Variants in SOX5 observed in about 807,000 individuals in gnomAD.
SOX5 encodes the protein transcription factor SOX-5.
SOX5 carries 9 observed loss-of-function variants against 92.0 expected under a neutral mutation model. The ratio of observed to expected loss-of-function variants is 0.10; its 90% CI spans 0.06 to 0.17. The LOEUF is 0.17. SOX5 is among the 10% of genes least tolerant of loss of function. SOX5 has a pLI of 1.00. For synonymous variants in SOX5, 344 were observed against 336.3 expected (o/e 1.02, Z -0.25); for missense variants, 642 against 944.5 (o/e 0.68, Z 4.20).
At chr12:23,871,506 A>G (rs981745075) in intron 2 of SOX5, among the ~76,000 whole-genome samples, 2 of 152,168 alleles carry the variant, frequency 1.3e-5, no homozygotes, top group Non-Finnish European at 2.9e-5. Flanking sequence ...AGGAGAAAAA[A>G]GGAAACTGGT....
At chr12:23,951,792 C>G (rs190170327), upstream of SOX5, among the ~76,000 whole-genome samples, 1 of 152,208 alleles carries the variant, frequency 6.6e-6, no homozygotes, top group Admixed American at 6.5e-5. Flanking sequence ...TGACTTGATG[C>G]TGACATGATT....
intron 2 of SOX5, among the ~76,000 whole-genome samples, chr12:24,339,539 T>G (rs1442893859): frequency 1.3e-5 from 2 of 152,196 alleles, no homozygotes; most frequent in East Asian, 3.9e-4. Context: ...TTATTCTCAG[T>G]GCACTGGGAG....
intron 3 of SOX5, among the ~76,000 whole-genome samples, chr12:23,795,356 C>T (rs1405276787): frequency 1.3e-5 from 2 of 151,936 alleles, no homozygotes; most frequent in East Asian, 1.9e-4. Flanking sequence ...GCTCTAGAGA[C>T]TCATTCTGTT....
chr12:24,224,118 T>G (rs1961268392), intron 3 of SOX5, among the ~76,000 whole-genome samples: 1 of 152,236 alleles, frequency 6.6e-6, no homozygotes, highest in Non-Finnish European at 1.5e-5. Flanking sequence ...TACCATTAAT[T>G]TGAGCCAGCA....
At chr12:24,069,162 G>GT (rs1941382944) in intron 4 of SOX5, among the ~76,000 whole-genome samples, 1 of 151,854 alleles carries the variant, frequency 6.6e-6, no homozygotes, top group Non-Finnish European at 1.5e-5. Flanking sequence ...CTGTAGAAAT[G>GT]TTTTTTAGCA....
intron 7 of SOX5, among the ~76,000 whole-genome samples, chr12:23,652,524 T>TC (rs1350032480): frequency 6.6e-6 from 1 of 151,556 alleles, no homozygotes; most frequent in Non-Finnish European, 1.5e-5. Context: ...ACTGTTTTTT[T>TC]TTTTTTTTGA....
chr12:23,614,226 C>T (rs530064524), intron 8 of SOX5, among the ~76,000 whole-genome samples: 36 of 152,274 alleles, frequency 2.4e-4, no homozygotes, highest in African/African-American at 7.2e-4. Flanking sequence ...AGGAACATCA[C>T]GTGCAAAGCC....
At chr12:24,074,754 C>T (rs186351209) in intron 4 of SOX5, among the ~76,000 whole-genome samples, 2 of 150,956 alleles carry the variant, frequency 1.3e-5, no homozygotes, top group East Asian at 2.0e-4. Flanking sequence ...AATTCACTTT[C>T]GCCATTTCTC....
chr12:24,213,559 T>A (rs1332659384), intron 3 of SOX5: 1 of 150,926 alleles, frequency 6.6e-6, no homozygotes, highest in African/African-American at 2.4e-5. Context: ...AGATTTCTAT[T>A]GCAAAATGTT....
chr12:23,565,225 C>A (rs1276248065), intron 10 of SOX5, among the ~76,000 whole-genome samples: 1 of 152,106 alleles, frequency 6.6e-6, no homozygotes, highest in Non-Finnish European at 1.5e-5. Flanking sequence ...TTTTATTATC[C>A]TCAACATCCT....
chr12:23,610,433 C>T (rs1370298266), intron 8 of SOX5, among the ~76,000 whole-genome samples: 2 of 152,096 alleles, frequency 1.3e-5, no homozygotes, highest in Admixed American at 6.6e-5. Flanking sequence ...CATTTACTGA[C>T]CAGTAAACTC....
At chr12:24,097,035 C>T (rs1227429269) in intron 4 of SOX5, among the ~76,000 whole-genome samples, 2 of 152,134 alleles carry the variant, frequency 1.3e-5, no homozygotes, top group Admixed American at 6.5e-5. Context: ...CTTACCAATG[C>T]TAGTTATTTT....
At chr12:24,059,586 G>T (rs943484436) in intron 4 of SOX5, among the ~76,000 whole-genome samples, 1 of 151,906 alleles carries the variant, frequency 6.6e-6, no homozygotes, top group Admixed American at 6.6e-5. Context: ...TTCTCAGCAG[G>T]TGTGTGTGTG....
At chr12:24,354,107 A>G (rs554649321) in intron 2 of SOX5, among the ~76,000 whole-genome samples, 4 of 152,322 alleles carry the variant, frequency 2.6e-5, no homozygotes, top group African/African-American at 9.6e-5. Flanking sequence ...GAAATTATAG[A>G]CTGTGAAAAA....
intron 1 of SOX5, among the ~76,000 whole-genome samples, chr12:24,490,354 T>C (rs891420699): frequency 5.9e-5 from 9 of 152,380 alleles, no homozygotes; most frequent in African/African-American, 2.2e-4. Context: ...AAGATGGGCA[T>C]TGAACAGTCA....
At chr12:24,464,000 T>G (rs1381409487) in intron 1 of SOX5, among the ~76,000 whole-genome samples, 1 of 152,198 alleles carries the variant, frequency 6.6e-6, no homozygotes, top group East Asian at 1.9e-4. Context: ...AATCTAAAAT[T>G]TCCTAAGTTT....
intron 1 of SOX5, among the ~76,000 whole-genome samples, chr12:23,928,734 T>A (rs949034769): frequency 4.6e-5 from 7 of 151,848 alleles, no homozygotes; most frequent in Admixed American, 2.0e-4. Flanking sequence ...TTCCTGACTT[T>A]TAATTTTTAA....
At chr12:23,855,030 T>A (rs537058108) in intron 2 of SOX5, among the ~76,000 whole-genome samples, 1 of 151,086 alleles carries the variant, frequency 6.6e-6, no homozygotes, top group South Asian at 2.1e-4. Context: ...TAAAGATGAA[T>A]AAAACATAGA....
chr12:23,814,079 T>C (rs927283121), intron 3 of SOX5, among the ~76,000 whole-genome samples: 1 of 152,220 alleles, frequency 6.6e-6, no homozygotes, highest in African/African-American at 2.4e-5. Context: ...TATTTATAGA[T>C]GTATTTTGGC....
Sources: gnomAD v4.1 joint callset for allele counts (sites outside exome capture counted in the v4.1 genomes callset) on GRCh38, gnomAD v4.1.1 for gene constraint, MANE v1.5 for transcripts, NCBI Gene and HGNC (gene_info 2026-07-23, HGNC 2026-07-21) for gene names.